Variants in P2RY12 observed in about 807,000 individuals in gnomAD.
P2RY12 encodes the protein P2Y purinoceptor 12.
Under a neutral mutation model 4.5 loss-of-function variants are expected in P2RY12, and 3 were observed. That is an observed-to-expected ratio of 0.67 (90% CI 0.31 to 1.74). The LOEUF (loss-of-function observed/expected upper bound fraction) is 1.74. P2RY12 is among the 40% of genes most tolerant of loss of function. The probability of loss-of-function intolerance (pLI) is 0.09; values close to 1 mark genes in which losing one functional copy is unlikely to be tolerated. For missense variants in P2RY12, 356 were observed against 407.8 expected (o/e 0.87, Z 1.09); for synonymous variants, 148 against 154.1 (o/e 0.96, Z 0.29).
At chr3:151,372,459 A>G (rs186968173) in intron 1 of P2RY12, 123 of 763,178 alleles carry the variant, frequency 1.6e-4, no homozygotes, top group Admixed American at 5.0e-4. Flanking sequence ...TTCAATAATA[A>G]TACTGTTCAT....
At chr3:151,363,045 G>T (rs972090935) in intron 1 of P2RY12, among the ~76,000 whole-genome samples, 5 of 151,966 alleles carry the variant, frequency 3.3e-5, no homozygotes, top group African/African-American at 4.8e-5. Context: ...TAATACTCCT[G>T]CAGTGTGGTG....
chr3:151,364,965 T>C, intron 1 of P2RY12: 1 of 1,584,192 alleles, frequency 6.3e-7, no homozygotes, highest in Non-Finnish European at 8.7e-7. Context: ...TAACTTTTTT[T>C]CTTATAACCT....
chr3:151,342,334 TGTGTTG>T (rs1469817602), intron 1 of P2RY12, among the ~76,000 whole-genome samples: 23 of 152,258 alleles, frequency 1.5e-4, no homozygotes, highest in Non-Finnish European at 1.0e-4. Flanking sequence ...GGGAATCATT[TGTGTTG>T]GTGCCTTTGC....
chr3:151,373,420 C>G, intron 1 of P2RY12, among the ~76,000 whole-genome samples: 1 of 152,096 alleles, frequency 6.6e-6, no homozygotes, highest in South Asian at 2.1e-4. Context: ...CTAATTTTCC[C>G]CTTGCAGTAA....
At chr3:151,368,909 G>A (rs756733694) in intron 1 of P2RY12, among the ~76,000 whole-genome samples, 1 of 151,456 alleles carries the variant, frequency 6.6e-6, no homozygotes, top group Admixed American at 6.6e-5. Flanking sequence ...CTATAGGCAT[G>A]CACCACCATG....
intron 1 of P2RY12, among the ~76,000 whole-genome samples, chr3:151,375,283 T>TA (rs1756689965): frequency 2.0e-5 from 3 of 152,318 alleles, no homozygotes; most frequent in African/African-American, 7.2e-5. Flanking sequence ...GTATGGTGGT[T>TA]AAAAAACAGA....
chr3:151,341,247 T>C (rs1312977774), intron 1 of P2RY12, among the ~76,000 whole-genome samples: 2 of 152,152 alleles, frequency 1.3e-5, no homozygotes, highest in East Asian at 3.9e-4. Context: ...ATTTTAAACC[T>C]GTGTTTGATT....
chr3:151,368,236 T>C, intron 1 of P2RY12: 1 of 1,614,008 alleles, frequency 6.2e-7, no homozygotes, highest in Admixed American at 1.7e-5. Flanking sequence ...GGCCTGCTTC[T>C]TACCTCAAGC....
At chr3:151,367,779 C>A in intron 1 of P2RY12, 1 of 1,595,048 alleles carries the variant, frequency 6.3e-7, no homozygotes, top group Non-Finnish European at 8.6e-7. Context: ...AAGGCAGCAT[C>A]CATGAACATC....
chr3:151,382,095 T>C (rs1458501275), intron 1 of P2RY12, among the ~76,000 whole-genome samples: 1 of 152,140 alleles, frequency 6.6e-6, no homozygotes, highest in African/African-American at 2.4e-5. Context: ...TGTGAGTCAG[T>C]GAGGAAGTGA....
At chr3:151,352,651 G>T (rs1014518871) in intron 1 of P2RY12, among the ~76,000 whole-genome samples, 1 of 152,100 alleles carries the variant, frequency 6.6e-6, no homozygotes, top group Non-Finnish European at 1.5e-5. Context: ...AACTCATTTA[G>T]GAGTGTTGTC....
At chr3:151,338,943 C>CACAGAGATAACTTTT in intron 2 of P2RY12, 84 bp from the exon 3 acceptor site, 1 of 1,198,910 alleles carries the variant, frequency 8.3e-7, no homozygotes, top group Non-Finnish European at 1.2e-6. Flanking sequence ...TTTTTGGACA[C>CACAGAGATAACTTTT]AGCCTCCTCT....
intron 1 of P2RY12, chr3:151,365,700 C>A (rs1419310690): frequency 2.9e-6 from 2 of 680,318 alleles, no homozygotes; most frequent in South Asian, 2.9e-5. Flanking sequence ...CAAGGTTCTA[C>A]TAAGTTATTT....
Position 151,368,287 on chromosome 3 carries a change from A to C in P2RY12, c.-180+16405T>G, listed in dbSNP as rs774875328. 21 of 1,561,816 alleles carry C rather than the reference A, an allele frequency of 1.3e-5. No individual in the cohort carries two copies. In the South Asian group the frequency reaches 2.1e-4, roughly 16 times the overall value. On this transcript the variant is annotated intron_variant, in intron 1 of 2. Transcript: ENST00000302632. ...TGCAGAAAAATCTGATTACCTTTTC[A>C]TTGGTAGCTAAAGTTTCTAAAATGA...
chr3:151,364,905 G>A (rs1436149081), intron 1 of P2RY12: 2 of 1,054,764 alleles, frequency 1.9e-6, no homozygotes, highest in Admixed American at 1.8e-5. Flanking sequence ...CATTTAATAT[G>A]TCCTTAAGTG....
chr3:151,348,569 G>A (rs530985493), intron 1 of P2RY12, among the ~76,000 whole-genome samples: 1 of 149,890 alleles, frequency 6.7e-6, no homozygotes, highest in African/African-American at 2.5e-5. Flanking sequence ...CTCGCTCCTA[G>A]CTTCTTTTTT....
chr3:151,372,903 G>T, intron 1 of P2RY12: 1 of 626,076 alleles, frequency 1.6e-6, no homozygotes, highest in Admixed American at 3.3e-5. Flanking sequence ...TTTTAAGTTT[G>T]CTGAAAAGTT....
At chr3:151,345,232 G>C (rs1207234166) in intron 1 of P2RY12, among the ~76,000 whole-genome samples, 1 of 152,178 alleles carries the variant, frequency 6.6e-6, no homozygotes, top group Non-Finnish European at 1.5e-5. Context: ...TAGGATAAAA[G>C]AGGTAGCCTG....
rs778778945 is a variant in P2RY12, at chr3:151,338,055, G to A, written c.791C>T (p.Thr264Ile). The change falls in exon 3 of 3, where the codon ACC becomes ATC. Residue 264 changes from threonine to isoleucine, a missense_variant. Coordinates refer to ENST00000302632, the MANE Select transcript of P2RY12 (RefSeq NM_022788.5). ...FARIPYTLSQ[T>I]RDVFDCTAEN... ...AGCAGTGCAGTCAAAGACATCCCGGGTTTGGCTCAGGGTGTAAGGAATTCG... is the reference window on the plus strand; with the variant it reads ...AGCAGTGCAGTCAAAGACATCCCGGATTTGGCTCAGGGTGTAAGGAATTCG... The A allele has an allele frequency of 6.2e-7, 1 of 1,614,084 alleles. No homozygotes were observed. The highest frequency in any genetic ancestry group is 1.7e-5 in the Admixed American group (1 of 59,994).
Sources: gnomAD v4.1 joint callset for allele counts (sites outside exome capture counted in the v4.1 genomes callset) on GRCh38, gnomAD v4.1.1 for gene constraint, MANE v1.5 for transcripts, NCBI Gene and HGNC (gene_info 2026-07-23, HGNC 2026-07-21) for gene names.